IFT140: variants seen among roughly 807,000 people sequenced by gnomAD.
IFT140 encodes intraflagellar transport 140.
IFT140 carries 133 observed loss-of-function variants against 164.6 expected under a neutral mutation model. The observed-to-expected ratio is 0.81, with a 90% CI of 0.70 to 0.93. IFT140 has a LOEUF of 0.93. Among genes scored for constraint, IFT140 ranks in the 40% least tolerant of loss-of-function variants. IFT140 has a pLI of 0.00. For synonymous variants in IFT140, 860 were observed against 817.3 expected (o/e 1.05, Z -0.89); for missense variants, 2,045 against 1,972.3 (o/e 1.04, Z -0.70).
chr16:1,559,304 T>C (rs1424825315), intron 18 of IFT140, among the ~76,000 whole-genome samples: 1 of 152,228 alleles, frequency 6.6e-6, no homozygotes, highest in Non-Finnish European at 1.5e-5. Context: ...GTGGACAGAA[T>C]GGGTACCCAG....
intron 19 of IFT140, among the ~76,000 whole-genome samples, chr16:1,537,157 G>C (rs1408571939): frequency 6.6e-6 from 1 of 152,212 alleles, no homozygotes; most frequent in South Asian, 2.1e-4. Context: ...TCCATCCCGA[G>C]AACCAGTCTA....
At chr16:1,563,973 T>G in intron 17 of IFT140, 24 bp downstream of exon 17, 1 of 1,539,472 alleles carries the variant, frequency 6.5e-7, no homozygotes, top group Non-Finnish European at 8.8e-7. Context: ...GTGTCTAAAC[T>G]CAAATACAAC....
In IFT140 at chr16:1,526,750, G is replaced by T. The variant is rs549813139; in HGVS notation, c.2446C>A (p.Arg816=). 11 of 1,609,772 alleles carry T rather than the reference G, an allele frequency of 6.8e-6. No homozygotes were observed. Among genetic ancestry groups the T allele is most frequent in the Admixed American group, 3.4e-5 (2 of 59,686 alleles). The change falls in exon 20 of 31, where the codon CGG becomes AGG. Residue 816 remains arginine, a synonymous_variant. Coordinates refer to ENST00000426508, the MANE Select transcript of IFT140 (RefSeq NM_014714.4). The part of the protein sequence containing the change: ...NMARMCVKTQ[R]LDVAKVCLGN... ...AGGCACACCTTGGCCACGTCCAGCC[G>T]CTGGGTCTTCACGCACATGCGCGCC...
chr16:1,518,709 C>T (rs746798089), intron 29 of IFT140, among the ~76,000 whole-genome samples: 8 of 151,796 alleles, frequency 5.3e-5, no homozygotes, highest in Non-Finnish European at 8.8e-5. Flanking sequence ...GAGAGGCGCA[C>T]GGCACCCCTT....
intron 19 of IFT140, among the ~76,000 whole-genome samples, chr16:1,540,051 C>A (rs1042216580): frequency 7.9e-5 from 12 of 152,198 alleles, no homozygotes; most frequent in Admixed American, 3.3e-4. Context: ...GCTTGAAATA[C>A]AGTGGGTAGG....
intron 10 of IFT140, 147 bp downstream of exon 10, chr16:1,585,983 G>A: frequency 2.2e-6 from 2 of 906,578 alleles, no homozygotes; most frequent in Non-Finnish European, 3.6e-6. Flanking sequence ...GTGTTAGCCA[G>A]GATGGTCTCG....
chr16:1,579,963 C>CAAA (rs56411833), intron 13 of IFT140, among the ~76,000 whole-genome samples: 8 of 106,770 alleles, frequency 7.5e-5, no homozygotes, highest in Admixed American at 1.0e-4. Context: ...GACTCCATCT[C>CAAA]AAAAAAAAAA....
At chr16:1,576,283 C>CT (rs1201994325) in intron 13 of IFT140, among the ~76,000 whole-genome samples, 1 of 120,022 alleles carries the variant, frequency 8.3e-6, no homozygotes, top group East Asian at 2.4e-4. Context: ...GAGACTCTGT[C>CT]TTTAAAAAAA....
At chr16:1,520,515 T>C in intron 27 of IFT140, 87 bp downstream of exon 27, 1 of 1,421,598 alleles carries the variant, frequency 7.0e-7, no homozygotes, top group Non-Finnish European at 9.6e-7. Context: ...CTTGGGGTCA[T>C]CACGAAGGCA....
At chr16:1,546,714 C>T (rs922442698) in intron 19 of IFT140, among the ~76,000 whole-genome samples, 2 of 152,200 alleles carry the variant, frequency 1.3e-5, no homozygotes, top group Admixed American at 6.5e-5. Context: ...CCCTCCCGCC[C>T]GCAGCTCTGG....
rs1203356543 is a variant in IFT140, at chr16:1,510,834, A to T, written c.*110T>A. 6.7e-6 allele frequency: 7 copies of T among 1,038,718 alleles called. No individual in the cohort carries two copies. Among genetic ancestry groups the T allele is most frequent in the Non-Finnish European group, 1.0e-5 (7 of 692,138 alleles). The allele number at this position is 1,038,718 out of a possible 1,614,324, so 64.3% of individuals were successfully genotyped here. The stretch of plus-strand genomic sequence containing the variant: ...CTCGCCCAGCTCTGTCGCGTATTCC[A>T]ACACAGACATGTTTTTTCCCAGCAA... On this transcript the variant is annotated 3_prime_UTR_variant, in exon 31 of 31. Coordinates refer to ENST00000426508, the MANE Select transcript of IFT140 (RefSeq NM_014714.4).
Position 1,523,839 on chromosome 16 carries a change from G to A in IFT140, c.3259C>T (p.Leu1087=). 6.2e-7 allele frequency: 1 copy of A among 1,612,984 alleles called. No individual in the cohort carries two copies. The highest frequency in any genetic ancestry group is 8.5e-7 in the Non-Finnish European group (1 of 1,179,964). The change falls in exon 25 of 31, where the codon CTG becomes TTG. Residue 1087 remains leucine (L), a synonymous_variant. Coordinates refer to ENST00000426508, the MANE Select transcript of IFT140 (RefSeq NM_014714.4). ...KGVQMDRAVM[L]YHKAGHFSKA... ...TGGCCAGCCCTCACCTTGTGGTACA[G>A]CATGACCGCCCTGTCCATCTGCACG...
Position 1,542,116 on chromosome 16 carries a change from CCT to C in IFT140, c.2400-15322_2400-15321del, listed in dbSNP as rs777808413. 4.6e-6 allele frequency: 7 copies of C among 1,531,038 alleles called. No individual in the cohort carries two copies. The African/African-American group carries it at 8.3e-5, about 18-fold the overall frequency. 94.8% of individuals were successfully genotyped at this position (1,531,038 alleles called of 1,614,324 possible). A position where few individuals can be genotyped will look rare whatever the true frequency, so the allele number is the denominator to read the frequency against. On this transcript the variant is annotated intron_variant, in intron 19 of 30. Coordinates refer to ENST00000426508, the MANE Select transcript of IFT140 (RefSeq NM_014714.4). ...GGGTGTGGCCACCGCGCCCTTGCCCCCTGTGGCCTTCTGGTGCCACAGGAGGG... is the reference window on the plus strand; with the variant it reads ...GGGTGTGGCCACCGCGCCCTTGCCCCGTGGCCTTCTGGTGCCACAGGAGGG...
chr16:1,536,800 C>T (rs2031116091), intron 19 of IFT140, among the ~76,000 whole-genome samples: 1 of 152,220 alleles, frequency 6.6e-6, no homozygotes, highest in Non-Finnish European at 1.5e-5. Flanking sequence ...CCTCTCCAAG[C>T]CCACGTGCTG....
At chr16:1,587,879 A>G in intron 8 of IFT140, 54 bp downstream of exon 8, 1 of 1,374,030 alleles carries the variant, frequency 7.3e-7, no homozygotes, top group South Asian at 1.2e-5. Context: ...GACTTAGAGG[A>G]GCCTGTTCCT....
intron 4 of IFT140, among the ~76,000 whole-genome samples, chr16:1,594,038 A>G (rs2035326769): frequency 1.3e-5 from 2 of 152,032 alleles, no homozygotes; most frequent in Non-Finnish European, 2.9e-5. Context: ...ACACGTGGGT[A>G]TTTACTTCCC....
chr16:1,554,784 T>C (rs2032953423), intron 19 of IFT140: 1 of 1,613,974 alleles, frequency 6.2e-7, no homozygotes, highest in Non-Finnish European at 8.5e-7. Flanking sequence ...ATCTGCAGGT[T>C]TTGTCCTGGT....
intron 13 of IFT140, chr16:1,579,141 C>T (rs563483202): frequency 2.0e-5 from 3 of 152,282 alleles, no homozygotes; most frequent in African/African-American, 4.8e-5. Flanking sequence ...TACTGTTTTT[C>T]TCACAATAAA....
intron 9 of IFT140, among the ~76,000 whole-genome samples, chr16:1,586,718 T>C (rs112338746): frequency 7.9e-5 from 12 of 152,354 alleles, no homozygotes; most frequent in African/African-American, 2.2e-4. Context: ...ATCGGTTTGC[T>C]TCTTGTTAGA....
Sources: allele counts gnomAD v4.1 joint callset (sites outside exome capture counted in the v4.1 genomes callset), GRCh38; gene constraint gnomAD v4.1.1; transcripts MANE v1.5; gene names NCBI Gene and HGNC (gene_info 2026-07-23, HGNC 2026-07-21).